ANK2: variants seen among roughly 807,000 people sequenced by gnomAD.
ANK2 encodes ankyrin 2, also known as ankyrin-2.
ANK2 carries 83 observed loss-of-function variants against 360.5 expected under a neutral mutation model. The observed-to-expected ratio is 0.23, with a 90% CI of 0.19 to 0.28. ANK2 has a LOEUF of 0.28. Ranked by LOEUF, ANK2 falls within the 10% of genes least tolerant of loss-of-function variation. The pLI is 1.00. For missense variants in ANK2, 4,201 were observed against 4,795.7 expected (o/e 0.88, Z 3.66); for synonymous variants, 1,740 against 1,759.5 (o/e 0.99, Z 0.28).
chr4:112,809,655 A>G, the ANK2 span, among the ~76,000 whole-genome samples: 2 of 150,858 alleles, frequency 1.3e-5, no homozygotes, highest in Admixed American at 1.3e-4. Context: ...GCCGCGGCGG[A>G]CAGATAGCAT....
In ANK2 at chr4:113,358,842, A is replaced by C. The variant is rs1250261175; in HGVS notation, c.10224A>C (p.Arg3408=). ...AGACCAAATGCCCAGTAAAAACCCG[A>C]AGTTACACTGAGACAGAAACAGAGA... ...DSKTKCPVKT[R]SYTETETESR... is the part of the protein sequence containing the mutation. Residue 3408 remains arginine, a synonymous_variant, in exon 38 of 46, where the codon CGA becomes CGC. Coordinates refer to ENST00000357077, the MANE Select transcript of ANK2 (RefSeq NM_001148.6). 3.1e-6 allele frequency: 5 copies of C among 1,614,006 alleles called. No individual in the cohort carries two copies. In the African/African-American group the frequency reaches 6.7e-5, roughly 22 times the overall value.
intron 1 of ANK2, among the ~76,000 whole-genome samples, chr4:112,873,026 T>C (rs1198687529): frequency 3.3e-5 from 5 of 152,184 alleles, no homozygotes; most frequent in African/African-American, 4.8e-5. Flanking sequence ...TAGTGTTTAC[T>C]TATAATCCAT....
chr4:113,134,563 A>G (rs2096277838), intron 1 of ANK2, among the ~76,000 whole-genome samples: 1 of 152,028 alleles, frequency 6.6e-6, no homozygotes, highest in South Asian at 2.1e-4. Context: ...GAGCAAGGAC[A>G]AAAAAACTAC....
At chr4:113,247,626 A>G (rs2043723764) in intron 9 of ANK2, among the ~76,000 whole-genome samples, 1 of 152,210 alleles carries the variant, frequency 6.6e-6, no homozygotes, top group African/African-American at 2.4e-5. Context: ...TCCCTCCTTC[A>G]TCTTTCAAAC....
At chr4:113,065,994 A>G (rs642955) in intron 1 of ANK2, among the ~76,000 whole-genome samples, 130,476 of 152,204 alleles carry the variant, frequency 0.86, 56,231 homozygotes, top group African/African-American at 0.93. Flanking sequence ...TATATATTTT[A>G]TAATACTTTA....
chr4:112,904,261 T>C (rs1351321364), intron 1 of ANK2, among the ~76,000 whole-genome samples: 1 of 152,228 alleles, frequency 6.6e-6, no homozygotes, highest in Non-Finnish European at 1.5e-5. Context: ...CTGTTTTGGC[T>C]ACTTTACTGA....
At chr4:112,910,029 A>T (rs2086577832) in intron 2 of ANK2, among the ~76,000 whole-genome samples, 1 of 152,330 alleles carries the variant, frequency 6.6e-6, no homozygotes, top group South Asian at 2.1e-4. Context: ...TTAGTGTTAA[A>T]ATTTTGCAAA....
At chr4:113,218,974 C>T (rs2099118308) in intron 4 of ANK2, among the ~76,000 whole-genome samples, 1 of 152,002 alleles carries the variant, frequency 6.6e-6, no homozygotes, top group Non-Finnish European at 1.5e-5. Context: ...ATAAAAGCAC[C>T]CTATAGCGAT....
Position 113,356,977 on chromosome 4 carries a change from GCTC to G in ANK2, c.8362_8364del (p.Pro2788del). 6.2e-7 allele frequency: 1 copy of G among 1,614,050 alleles called. No homozygotes were observed. The highest frequency in any genetic ancestry group is 8.5e-7 in the Non-Finnish European group (1 of 1,179,972). On this transcript the variant is annotated inframe_deletion, in exon 38 of 46. Transcript: ENST00000357077. ...GGCCATGAGTCCTAGCAGCTCAGCT[GCTC>G]CTGTCTCTTCAGGTCTACAGAGTCC... is the stretch of plus-strand genomic sequence containing the variant.
chr4:113,281,670 A>G (rs1198479715), intron 17 of ANK2, among the ~76,000 whole-genome samples: 2 of 152,220 alleles, frequency 1.3e-5, no homozygotes, highest in African/African-American at 4.8e-5. Flanking sequence ...TTTTGAATGG[A>G]AAATTCTACC....
At chr4:113,151,450 A>G (rs904195261) in intron 1 of ANK2, among the ~76,000 whole-genome samples, 3 of 152,108 alleles carry the variant, frequency 2.0e-5, no homozygotes, top group East Asian at 3.9e-4. Flanking sequence ...GGGAGGTGCC[A>G]GGCTCTTGTT....
intron 1 of ANK2, among the ~76,000 whole-genome samples, chr4:113,113,856 T>C (rs879735226): frequency 1.3e-5 from 2 of 152,188 alleles, no homozygotes; most frequent in African/African-American, 4.8e-5. Flanking sequence ...ATAGTTAAGT[T>C]TGAGCAACAC....
Position 113,068,815 on chromosome 4 carries a change from C to T in ANK2, c.84+19003C>T, listed in dbSNP as rs539287429. ...GTGGCTCATGCCTATAATCTCAGCA[C>T]TTTGGGAGGCTGAGGCAAGAGGATC... On this transcript the variant is annotated intron_variant, in intron 1 of 45. Coordinates refer to ENST00000357077, the MANE Select transcript of ANK2 (RefSeq NM_001148.6). Among the ~76,000 whole-genome samples, 13 of 152,256 alleles carry T rather than the reference C, an allele frequency of 8.5e-5. No individual in the cohort carries two copies. The South Asian group carries it at 2.5e-3, about 29-fold the overall frequency.
intron 1 of ANK2, among the ~76,000 whole-genome samples, chr4:112,831,436 G>A (rs1193917906): frequency 6.6e-6 from 1 of 152,206 alleles, no homozygotes; most frequent in African/African-American, 2.4e-5. Context: ...CTAAAGGATT[G>A]TAAATGCACC....
At chr4:113,234,549 A>C (rs2099355901) in intron 5 of ANK2, among the ~76,000 whole-genome samples, 1 of 152,164 alleles carries the variant, frequency 6.6e-6, no homozygotes, top group African/African-American at 2.4e-5. Flanking sequence ...GTAAAAAAAA[A>C]ATAATGTTTT....
At chr4:113,275,740 A>G (rs896446148) in intron 15 of ANK2, among the ~76,000 whole-genome samples, 2 of 152,078 alleles carry the variant, frequency 1.3e-5, no homozygotes, top group African/African-American at 4.8e-5. Context: ...ACTAAGCAAC[A>G]AATGTAGTAA....
At chr4:113,179,753 A>T (rs2098346860) in intron 2 of ANK2, among the ~76,000 whole-genome samples, 1 of 152,242 alleles carries the variant, frequency 6.6e-6, no homozygotes, top group Non-Finnish European at 1.5e-5. Flanking sequence ...ACTGTTACAA[A>T]CAAGATTAAC....
At chr4:112,796,374 G>A in the ANK2 span, among the ~76,000 whole-genome samples, 5 of 151,998 alleles carry the variant, frequency 3.3e-5, no homozygotes, top group African/African-American at 7.2e-5. Flanking sequence ...GGTGAACCGA[G>A]ATTGTGTCAT....
chr4:113,328,796 G>A (rs538650755), intron 26 of ANK2, among the ~76,000 whole-genome samples: 2 of 152,278 alleles, frequency 1.3e-5, no homozygotes, highest in African/African-American at 4.8e-5. Flanking sequence ...ACTAGCAACA[G>A]GATTTCTGTT....
Sources: allele counts gnomAD v4.1 joint callset (sites outside exome capture counted in the v4.1 genomes callset), GRCh38; gene constraint gnomAD v4.1.1; transcripts MANE v1.5; gene names NCBI Gene and HGNC (gene_info 2026-07-23, HGNC 2026-07-21).